Variants in TBC1D30 observed in about 807,000 individuals in gnomAD.
TBC1D30 encodes TBC1 domain family member 30.
TBC1D30 carries 31 observed loss-of-function variants against 63.2 expected under a neutral mutation model. The ratio of observed to expected loss-of-function variants is 0.49; its 90% confidence interval spans 0.37 to 0.66. TBC1D30 has a LOEUF of 0.66. Ranked by LOEUF, TBC1D30 falls within the 30% of genes least tolerant of loss-of-function variation. TBC1D30 has a pLI of 0.00. For synonymous variants in TBC1D30, 307 were observed against 361.5 expected (o/e 0.85, Z 1.71); for missense variants, 810 against 953.6 (o/e 0.85, Z 1.98).
intron 1 of TBC1D30, among the ~76,000 whole-genome samples, chr12:64,765,697 T>G (rs1870687104): frequency 6.7e-6 from 1 of 148,908 alleles, no homozygotes; most frequent in Non-Finnish European, 1.5e-5. Context: ...AGAAGAGAGG[T>G]GGAAGATATA....
At chr12:64,806,615 T>A (rs1018378377) in intron 2 of TBC1D30, among the ~76,000 whole-genome samples, 1 of 152,196 alleles carries the variant, frequency 6.6e-6, no homozygotes, top group African/African-American at 2.4e-5. Context: ...GAAAACAGTA[T>A]GGTGGTTCCT....
intron 1 of TBC1D30, among the ~76,000 whole-genome samples, chr12:64,772,676 C>T (rs891099130): frequency 6.6e-6 from 1 of 152,104 alleles, no homozygotes; most frequent in South Asian, 2.1e-4. Context: ...GATCCACCTG[C>T]CTCGGCCTCC....
At chr12:64,781,735 G>A (rs992250789) in intron 1 of TBC1D30, among the ~76,000 whole-genome samples, 16 of 150,240 alleles carry the variant, frequency 1.1e-4, no homozygotes, top group Non-Finnish European at 2.1e-4. Context: ...CGCCTTCTCT[G>A]GTCACACCAC....
chr12:64,797,059 T>C (rs953951068), intron 2 of TBC1D30, among the ~76,000 whole-genome samples: 2 of 147,726 alleles, frequency 1.4e-5, no homozygotes, highest in African/African-American at 5.0e-5. Flanking sequence ...AAAAAGACTA[T>C]TCCAGTGTTC....
At chr12:64,827,067 C>T (rs1453394561) in intron 1 of TBC1D30, among the ~76,000 whole-genome samples, 1 of 152,116 alleles carries the variant, frequency 6.6e-6, no homozygotes, top group African/African-American at 2.4e-5. Context: ...AACAAAAATG[C>T]CATCATTTGA....
Position 64,876,631 on chromosome 12 carries a change from C to A in TBC1D30, c.*843C>A, listed in dbSNP as rs1879105668. ...AGCCTGGCCTGCATCCCCCACCACA[C>A]AGCTCACTCACCCACCAGCTCTAGA... On this transcript the variant is annotated 3_prime_UTR_variant, in exon 12 of 12. Coordinates refer to ENST00000539867, the MANE Select transcript of TBC1D30 (RefSeq NM_015279.2). 33 of 372,908 alleles carry A rather than the reference C, an allele frequency of 8.8e-5. No homozygotes were observed. Among genetic ancestry groups the A allele is most frequent in the South Asian group, 6.6e-4 (33 of 49,934 alleles). The allele number at this position is 372,908 out of a possible 1,614,324, so 23.1% of individuals were successfully genotyped here.
At chr12:64,864,198 C>G (rs1284180238) in intron 8 of TBC1D30, among the ~76,000 whole-genome samples, 1 of 151,924 alleles carries the variant, frequency 6.6e-6, no homozygotes, top group Non-Finnish European at 1.5e-5. Context: ...TTGGAGAAAA[C>G]TTGTAGTCGA....
At position 64,876,464 on chromosome 12, in the gene TBC1D30, A is replaced by G. The variant is rs1159514687; in HGVS notation, c.*676A>G. 1 of 195,668 alleles carries G rather than the reference A, an allele frequency of 5.1e-6. No individual in the cohort carries two copies. Among genetic ancestry groups the G allele is most frequent in the African/African-American group, 2.3e-5 (1 of 43,332 alleles). 12.1% of individuals were successfully genotyped at this position (195,668 alleles called of 1,614,324 possible). ...GATAACCCAGCTGAAGATCTTATGCACAGGACACACTTGGCATATGCTTTA... is the reference window on the plus strand; with the variant it reads ...GATAACCCAGCTGAAGATCTTATGCGCAGGACACACTTGGCATATGCTTTA... On this transcript the variant is annotated 3_prime_UTR_variant, in exon 12 of 12. Transcript: ENST00000539867.
At chr12:64,811,137 TC>T (rs1270822504) in intron 2 of TBC1D30, among the ~76,000 whole-genome samples, 1 of 152,264 alleles carries the variant, frequency 6.6e-6, no homozygotes, top group East Asian at 1.9e-4. Flanking sequence ...GTTGACTCAC[TC>T]TATCAAAATG....
In TBC1D30 at chr12:64,765,490, C is replaced by CAAAAAAAAAAAA. The variant is rs60489979; in HGVS notation, c.-376+5860_-376+5871dup. On this transcript the variant is annotated intron_variant, in intron 1 of 13. Transcript: ENST00000674237. ...CTGGGCGACAGAGCAAGACTGTCTCCAAAAAAAAAAAAAAAAAAAAAAAAA... is the reference window on the plus strand; with the variant it reads ...CTGGGCGACAGAGCAAGACTGTCTCCAAAAAAAAAAAAAAAAAAAAAAAAAAAAAAAAAAAAA... Among the ~76,000 whole-genome samples the CAAAAAAAAAAAA allele has an allele frequency of 1.1e-3, 19 of 17,600 alleles. 1 individual carries two copies. The highest frequency in any genetic ancestry group is 2.7e-3 in the African/African-American group (18 of 6,550). The allele number at this position is 17,600 out of a possible 152,430, so 11.5% of individuals were successfully genotyped here.
At chr12:64,784,807 T>C (rs1426536107) in intron 1 of TBC1D30, among the ~76,000 whole-genome samples, 1 of 151,900 alleles carries the variant, frequency 6.6e-6, no homozygotes, top group Non-Finnish European at 1.5e-5. Flanking sequence ...CCATGGCACA[T>C]GTATACCTGT....
At chr12:64,785,870 T>C in intron 1 of TBC1D30, 1 of 1,285,330 alleles carries the variant, frequency 7.8e-7, no homozygotes, top group Non-Finnish European at 1.0e-6. Context: ...CTTATTTTTC[T>C]TTACTGATAG....
intron 2 of TBC1D30, among the ~76,000 whole-genome samples, chr12:64,815,376 G>T (rs1437687443): frequency 2.0e-5 from 3 of 152,084 alleles, no homozygotes; most frequent in Non-Finnish European, 4.4e-5. Context: ...CTACTTTATG[G>T]TGTTTCTAGA....
chr12:64,768,986 A>C (rs1870810528), intron 1 of TBC1D30, among the ~76,000 whole-genome samples: 1 of 152,054 alleles, frequency 6.6e-6, no homozygotes, highest in Non-Finnish European at 1.5e-5. Context: ...GCAAAACCCC[A>C]TCGCTACAAT....
intron 2 of TBC1D30, among the ~76,000 whole-genome samples, chr12:64,804,971 C>T (rs941423286): frequency 7.9e-5 from 12 of 152,176 alleles, no homozygotes; most frequent in African/African-American, 2.6e-4. Context: ...GAGGCTGAGG[C>T]GGGCGGATCA....
intron 8 of TBC1D30, among the ~76,000 whole-genome samples, chr12:64,859,084 TGTG>T (rs896928801): frequency 1.1e-4 from 17 of 148,330 alleles, no homozygotes; most frequent in Non-Finnish European, 2.2e-4. Flanking sequence ...GCGAGGGTGT[TGTG>T]TGTGTGTGTG....
At chr12:64,866,960 A>G (rs1878272205) in intron 10 of TBC1D30, 57 bp downstream of exon 10, 2 of 1,518,448 alleles carry the variant, frequency 1.3e-6, no homozygotes, top group African/African-American at 1.4e-5. Flanking sequence ...CTACAATAAG[A>G]GTGATATTGT....
chr12:64,815,808 CAG>C (rs1224090394), intron 2 of TBC1D30, among the ~76,000 whole-genome samples: 1 of 151,266 alleles, frequency 6.6e-6, no homozygotes, highest in African/African-American at 2.4e-5. Context: ...TTTTTTGAGA[CAG>C]AGTCTTACTC....
intron 1 of TBC1D30, among the ~76,000 whole-genome samples, chr12:64,763,483 C>G (rs1870592853): frequency 6.6e-6 from 1 of 152,048 alleles, no homozygotes; most frequent in Non-Finnish European, 1.5e-5. Flanking sequence ...TTATTCTCTT[C>G]CTCTTAATGA....
Sources: gnomAD v4.1 joint callset for allele counts (sites outside exome capture counted in the v4.1 genomes callset) on GRCh38, gnomAD v4.1.1 for gene constraint, MANE v1.5 for transcripts, NCBI Gene and HGNC (gene_info 2026-07-23, HGNC 2026-07-21) for gene names.